The following LDB2 variants were observed in gnomAD, a reference collection of about 807,000 sequenced individuals.
The protein encoded by LDB2 is LIM domain-binding protein 2.
Under a neutral mutation model 44.3 loss-of-function variants are expected in LDB2, and 12 were observed. The ratio of observed to expected loss-of-function variants is 0.27; its 90% confidence interval spans 0.17 to 0.44. LDB2 has a LOEUF of 0.44. LDB2 is among the 20% of genes least tolerant of loss of function. The probability of loss-of-function intolerance (pLI) is 1.00; values close to 1 mark genes in which losing one functional copy is unlikely to be tolerated. For synonymous variants in LDB2, 164 were observed against 174.8 expected (o/e 0.94, Z 0.49); for missense variants, 344 against 473.5 (o/e 0.73, Z 2.54).
At position 16,889,565 on chromosome 4, in the gene LDB2, C is replaced by T. The variant is rs565914241; in HGVS notation, c.132+8789G>A. On this transcript the variant is annotated intron_variant, in intron 1 of 7. Transcript: ENST00000304523. ...GGCTATTAGGCTCACAGATTCTTCT[C>T]CTACTGGAACTGTAGGCAATTGTTG... Among the ~76,000 whole-genome samples, 4 of 152,236 alleles carry T rather than the reference C, an allele frequency of 2.6e-5. No individual in the cohort carries two copies. In the South Asian group the frequency reaches 8.3e-4, roughly 32 times the overall value.
chr4:16,721,316 G>A (rs1758240462), intron 2 of LDB2, among the ~76,000 whole-genome samples: 1 of 152,098 alleles, frequency 6.6e-6, no homozygotes, highest in African/African-American at 2.4e-5. Context: ...CAAACGGATA[G>A]ATAATCCAAA....
chr4:16,808,159 G>A (rs185804380), intron 1 of LDB2, among the ~76,000 whole-genome samples: 18 of 152,254 alleles, frequency 1.2e-4, no homozygotes, highest in Non-Finnish European at 2.1e-4. Context: ...TACAGTGGAC[G>A]TCTCTCTTCC....
chr4:16,545,253 C>A (rs1252425887), intron 5 of LDB2, among the ~76,000 whole-genome samples: 1 of 151,614 alleles, frequency 6.6e-6, no homozygotes, highest in South Asian at 2.1e-4. Context: ...TTCAGTTTCC[C>A]GTTAGTCTGA....
Position 16,898,426 on chromosome 4 carries a change from C to A in LDB2, c.60G>T (p.Arg20Ser). Residue 20 changes from arginine to serine, a missense_variant, in exon 1 of 8, where the codon AGG becomes AGT. By Grantham distance (110) the Arg-to-Ser change is moderately radical. Coordinates refer to ENST00000304523, the MANE Select transcript of LDB2 (RefSeq NM_001290.5). ...CTGGCTGTACCATGTATGGTGTATG[C>A]CTCCTATAAAATGGGCCGAAAGGAG... is the stretch of plus-strand genomic sequence containing the variant. ...YSSPFGPFYRRHTPYMVQPEY... is the reference protein window; with the variant it reads ...YSSPFGPFYRSHTPYMVQPEY... The A allele has an allele frequency of 6.2e-7, 1 of 1,613,726 alleles. No homozygotes were observed. Among genetic ancestry groups the A allele is most frequent in the Non-Finnish European group, 8.5e-7 (1 of 1,179,842 alleles).
intron 1 of LDB2, among the ~76,000 whole-genome samples, chr4:16,816,140 G>A (rs1001989209): frequency 2.0e-5 from 3 of 152,050 alleles, no homozygotes; most frequent in Non-Finnish European, 4.4e-5. Flanking sequence ...CCCTGGAAGC[G>A]GAGGTTGCAG....
chr4:16,608,471 A>G (rs988115217), intron 2 of LDB2, among the ~76,000 whole-genome samples: 1 of 152,178 alleles, frequency 6.6e-6, no homozygotes, highest in African/African-American at 2.4e-5. Context: ...TGTCTGAAAC[A>G]TTGCCTGGGC....
chr4:16,722,611 T>G (rs1201364384), intron 2 of LDB2, among the ~76,000 whole-genome samples: 2 of 152,084 alleles, frequency 1.3e-5, no homozygotes, highest in African/African-American at 4.8e-5. Flanking sequence ...CTAAATGAGG[T>G]GAGTATGGTT....
At chr4:16,548,646 T>G (rs1736606441) in intron 5 of LDB2, among the ~76,000 whole-genome samples, 1 of 152,242 alleles carries the variant, frequency 6.6e-6, no homozygotes, top group South Asian at 2.1e-4. Context: ...TACCAGTTTC[T>G]GCATCCCTCT....
At chr4:16,829,828 C>T (rs900649008) in intron 1 of LDB2, among the ~76,000 whole-genome samples, 1 of 152,084 alleles carries the variant, frequency 6.6e-6, no homozygotes, top group Non-Finnish European at 1.5e-5. Context: ...ACACACAGGC[C>T]GGGTGCGGTG....
chr4:16,573,641 A>G (rs1342148683), intron 5 of LDB2, among the ~76,000 whole-genome samples: 2 of 152,168 alleles, frequency 1.3e-5, no homozygotes, highest in Non-Finnish European at 2.9e-5. Context: ...GATTTATAGT[A>G]TCCTGGGCAT....
chr4:16,719,883 C>T (rs1235458547), intron 2 of LDB2, among the ~76,000 whole-genome samples: 5 of 152,120 alleles, frequency 3.3e-5, no homozygotes, highest in East Asian at 3.9e-4. Context: ...TTATTCTGCT[C>T]ATTTTACAGA....
intron 1 of LDB2, among the ~76,000 whole-genome samples, chr4:16,816,407 C>CTTTTT (rs1171864969): frequency 1.2e-3 from 140 of 120,932 alleles, no homozygotes; most frequent in Non-Finnish European, 1.5e-3. Flanking sequence ...CTTTTTCTTT[C>CTTTTT]TTTTTTTTTT....
At chr4:16,768,195 T>G (rs569806079) in intron 1 of LDB2, among the ~76,000 whole-genome samples, 1 of 150,822 alleles carries the variant, frequency 6.6e-6, no homozygotes, top group South Asian at 2.1e-4. Flanking sequence ...GAAAATGTGT[T>G]TTTTTTTTAT....
intron 2 of LDB2, among the ~76,000 whole-genome samples, chr4:16,722,837 A>C (rs1489222506): frequency 1.3e-5 from 2 of 152,176 alleles, no homozygotes; most frequent in African/African-American, 4.8e-5. Flanking sequence ...GATGAGAAAC[A>C]GCAAGAAGGC....
chr4:16,898,470 G>A lies in LDB2; in HGVS notation c.16C>T (p.His6Tyr), dbSNP rs995805881. ...AAAGGAGAAGAATAGAAGGGGTCAT[G>A]TGGTGTGCTGGACATCTTGCCTGCT... MSSTP[H>Y]DPFYSSPFGP... Residue 6 changes from histidine to tyrosine, a missense_variant, in exon 1 of 8, where the codon CAT (histidine) becomes TAT (tyrosine). His to Tyr is a moderately conservative substitution (Grantham distance 83). Coordinates refer to ENST00000304523, the MANE Select transcript of LDB2 (RefSeq NM_001290.5). The A allele has an allele frequency of 6.2e-7, 1 of 1,613,764 alleles. No individual in the cohort carries two copies. Among genetic ancestry groups the A allele is most frequent in the Non-Finnish European group, 8.5e-7 (1 of 1,179,906 alleles).
intron 2 of LDB2, among the ~76,000 whole-genome samples, chr4:16,740,530 A>G (rs1763029426): frequency 6.6e-6 from 1 of 152,156 alleles, no homozygotes; most frequent in South Asian, 2.1e-4. Context: ...CCTGCTGCTA[A>G]AAGCAGCATG....
chr4:16,695,584 G>A lies in LDB2; in HGVS notation c.235+63574C>T, dbSNP rs1378831087. On this transcript the variant is annotated intron_variant, in intron 2 of 7. Transcript: ENST00000304523. ...AGCAAAAGCACCATCTAATCAGAAC[G>A]GATTGAACTAGGGATTGTCAATTTT... 2.6e-5 allele frequency among the ~76,000 whole-genome samples: 4 copies of A among 152,136 alleles called. No individual in the cohort carries two copies. In the East Asian group the frequency reaches 7.7e-4, roughly 29 times the overall value.
At chr4:16,879,906 C>G (rs777130730) in intron 1 of LDB2, among the ~76,000 whole-genome samples, 15 of 152,136 alleles carry the variant, frequency 9.9e-5, no homozygotes, top group African/African-American at 3.6e-4. Flanking sequence ...TACCCAAGCA[C>G]GGAACACAGA....
In LDB2 at chr4:16,898,499, C is replaced by G; in HGVS notation, c.-14G>C. 6.2e-7 allele frequency: 1 copy of G among 1,612,626 alleles called. No individual in the cohort carries two copies. Among genetic ancestry groups the G allele is most frequent in the Non-Finnish European group, 8.5e-7 (1 of 1,179,358 alleles). On this transcript the variant is annotated 5_prime_UTR_variant, in exon 1 of 8. Coordinates refer to ENST00000304523, the MANE Select transcript of LDB2 (RefSeq NM_001290.5). The stretch of plus-strand genomic sequence containing the variant: ...TGTGCTGGACATCTTGCCTGCTTTT[C>G]GAAAATCAAGCTAAACAGAGTATCA...
Sources: allele counts gnomAD v4.1 joint callset (sites outside exome capture counted in the v4.1 genomes callset), GRCh38; gene constraint gnomAD v4.1.1; transcripts MANE v1.5; gene names NCBI Gene and HGNC (gene_info 2026-07-23, HGNC 2026-07-21).